Variants in NOMO1 observed in about 807,000 individuals in gnomAD.
The protein encoded by NOMO1 is NODAL modulator 1.
NOMO1 carries 40 observed loss-of-function variants against 133.8 expected under a neutral mutation model. The ratio of observed to expected loss-of-function variants is 0.30; its 90% CI spans 0.23 to 0.39. NOMO1 has a LOEUF of 0.39. Among genes scored for constraint, NOMO1 ranks in the 10% least tolerant of loss-of-function variants. The pLI is 1.00. For missense variants in NOMO1, 462 were observed against 1,419.9 expected (o/e 0.33, Z 10.84); for synonymous variants, 236 against 570.5 (o/e 0.41, Z 8.36).
intron 23 of NOMO1, 96 bp from the exon 24 acceptor site, chr16:14,879,919 C>T (rs943672795): frequency 6.2e-7 from 1 of 1,603,332 alleles, no homozygotes; most frequent in Non-Finnish European, 8.5e-7. Context: ...CCATGGCGCT[C>T]CCCTGGTGTA....
At chr16:14,878,424 G>A (rs1233832795) in intron 22 of NOMO1, among the ~76,000 whole-genome samples, 1 of 126,482 alleles carries the variant, frequency 7.9e-6, no homozygotes, top group African/African-American at 3.1e-5. Flanking sequence ...AGCTTGGGAG[G>A]CGAAGGTTGT....
intron 26 of NOMO1, among the ~76,000 whole-genome samples, chr16:14,882,957 T>G (rs549386754): frequency 6.6e-6 from 1 of 152,092 alleles, no homozygotes; most frequent in Non-Finnish European, 1.5e-5. Flanking sequence ...GTTAAGGAAC[T>G]TAAGGCCTAA....
At chr16:14,878,973 G>A (rs1386197455) in intron 23 of NOMO1, 139 bp downstream of exon 23, 17 of 909,770 alleles carry the variant, frequency 1.9e-5, no homozygotes, top group South Asian at 1.8e-4. Context: ...GGGGGCCCAC[G>A]GTCATTAGAG....
At chr16:14,838,535 C>G (rs1963556095) in intron 2 of NOMO1, 39 bp downstream of exon 2, 3 of 1,611,840 alleles carry the variant, frequency 1.9e-6, no homozygotes, top group Non-Finnish European at 2.5e-6. Context: ...TGGGAAATCA[C>G]TAGTGTGCCT....
chr16:14,859,176 A>T (rs1244399821), intron 11 of NOMO1, among the ~76,000 whole-genome samples: 1 of 151,986 alleles, frequency 6.6e-6, no homozygotes, highest in Non-Finnish European at 1.5e-5. Context: ...CACAGGAGCT[A>T]AGAAAGTAAG....
chr16:14,886,812 C>T lies in NOMO1; in HGVS notation c.3274C>T (p.Leu1092Phe). 1.2e-6 allele frequency: 2 copies of T among 1,611,708 alleles called. No individual in the cohort carries two copies. Among genetic ancestry groups the T allele is most frequent in the Middle Eastern group, 2.3e-4 (1 of 4,428 alleles). Residue 1092 changes from leucine (L) to phenylalanine (F), a missense_variant, in exon 28 of 31, where the codon CTT becomes TTT. Physicochemically the swap from Leu to Phe is conservative, Grantham distance 22 (BLOSUM62 0). Transcript: ENST00000287667. ...NLDNPIQTVS[L>F]GQSLFFHFPP... ...CGACAATCCAATCCAGACAGTTTCCCTTGGCCAGTCCCTGTTCTTCCATTT... is the reference window on the plus strand; with the variant it reads ...CGACAATCCAATCCAGACAGTTTCCTTTGGCCAGTCCCTGTTCTTCCATTT...
chr16:14,836,566 G>C (rs1567534568), intron 1 of NOMO1, among the ~76,000 whole-genome samples: 1 of 151,754 alleles, frequency 6.6e-6, no homozygotes. Flanking sequence ...CCTCAGAGTG[G>C]TTGAGCTGTG....
intron 15 of NOMO1, 102 bp downstream of exon 15, chr16:14,866,793 A>T: frequency 6.2e-7 from 1 of 1,606,880 alleles, no homozygotes; most frequent in Admixed American, 1.7e-5. Flanking sequence ...GGCAAGTTAG[A>T]TTTCCTTTTC....
intron 1 of NOMO1, among the ~76,000 whole-genome samples, chr16:14,836,729 C>T (rs1258751188): frequency 1.5e-5 from 2 of 137,920 alleles, no homozygotes; most frequent in African/African-American, 2.8e-5. Context: ...GACGGAGTCT[C>T]GCTCTGTCGC....
At chr16:14,846,427 A>C (rs1963682648) in intron 4 of NOMO1, 150 bp from the exon 5 acceptor site, 4 of 540,374 alleles carry the variant, frequency 7.4e-6, no homozygotes, top group South Asian at 4.2e-5. Context: ...ATCCCCAGGA[A>C]ACATATCCAT....
chr16:14,868,585 G>A lies in NOMO1; in HGVS notation c.1844G>A (p.Gly615Glu), dbSNP rs1597105416. 5 of 1,611,294 alleles carry A rather than the reference G, an allele frequency of 3.1e-6. No homozygotes were observed. In the East Asian group the frequency reaches 1.1e-4, roughly 36 times the overall value. The change falls in exon 16 of 31, where the codon GGG (glycine) becomes GAG (glutamate). Residue 615 changes from glycine (G) to glutamate (E), a missense_variant. By Grantham distance (98) the Gly-to-Glu change is moderately conservative (BLOSUM62 -2). Coordinates refer to ENST00000287667, the MANE Select transcript of NOMO1 (RefSeq NM_014287.4). The stretch of plus-strand genomic sequence containing the variant: ...GATGGAAATGGGCGTGAGAATGTGG[G>A]GATTTATAACCTCTCCAAAGGAGTC... ...YQDGNGRENV[G>E]IYNLSKGVNR...
chr16:14,857,733 T>G (rs1239426787), intron 11 of NOMO1, 78 bp downstream of exon 11: 2 of 1,599,308 alleles, frequency 1.3e-6, no homozygotes, highest in Non-Finnish European at 1.7e-6. Context: ...CTGTGATCTG[T>G]GTGTCTTTGC....
intron 23 of NOMO1, 48 bp downstream of exon 23, chr16:14,878,882 G>A (rs771667614): frequency 1.9e-6 from 3 of 1,601,092 alleles, no homozygotes; most frequent in South Asian, 2.2e-5. Context: ...CTGAGAGAGA[G>A]CCAGGATGCA....
At chr16:14,834,687 G>GTT (rs71254287) in intron 1 of NOMO1, among the ~76,000 whole-genome samples, 1 of 127,628 alleles carries the variant, frequency 7.8e-6, no homozygotes, top group East Asian at 2.7e-4. Flanking sequence ...TGTGCTGAAG[G>GTT]TTTTTTTTTT....
In NOMO1 at chr16:14,866,480, C is replaced by G. The variant is rs999436607; in HGVS notation, c.1670-75C>G. On this transcript the variant is annotated intron_variant, in intron 14 of 30. Coordinates refer to ENST00000287667, the MANE Select transcript of NOMO1 (RefSeq NM_014287.4). ...TTTTTAAAATTGATTAATTCATGATCATTGTTTCTGGTGGCGTGGAGGGAG... is the reference window on the plus strand; with the variant it reads ...TTTTTAAAATTGATTAATTCATGATGATTGTTTCTGGTGGCGTGGAGGGAG... 7 of 1,609,422 alleles carry G rather than the reference C, an allele frequency of 4.3e-6. No homozygotes were observed. In the African/African-American group the frequency reaches 5.4e-5, roughly 12 times the overall value.
At chr16:14,874,396 ACTTGGCATCG>A (rs1250847650) in intron 18 of NOMO1, among the ~76,000 whole-genome samples, 1 of 151,864 alleles carries the variant, frequency 6.6e-6, no homozygotes, top group Non-Finnish European at 1.5e-5. Context: ...AGGACTTTGC[ACTTGGCATCG>A]CTTTTCCCAA....
chr16:14,886,106 C>G (rs1179219265), intron 27 of NOMO1, among the ~76,000 whole-genome samples: 1 of 152,058 alleles, frequency 6.6e-6, no homozygotes, highest in Non-Finnish European at 1.5e-5. Flanking sequence ...CTGCTCATGC[C>G]CCATGCCGTG....
intron 26 of NOMO1, among the ~76,000 whole-genome samples, chr16:14,882,911 C>T (rs566804285): frequency 1.3e-5 from 2 of 152,182 alleles, no homozygotes; most frequent in South Asian, 2.1e-4. Context: ...ATCCTCCCCG[C>T]GACTTGCCCT....
intron 6 of NOMO1, among the ~76,000 whole-genome samples, chr16:14,850,479 C>G (rs1168412258): frequency 6.7e-6 from 1 of 149,572 alleles, no homozygotes; most frequent in East Asian, 2.0e-4. Flanking sequence ...AGTTTATAGT[C>G]AAAGATCAAA....
Sources: gnomAD v4.1 joint callset for allele counts (sites outside exome capture counted in the v4.1 genomes callset) on GRCh38, gnomAD v4.1.1 for gene constraint, MANE v1.5 for transcripts, NCBI Gene and HGNC (gene_info 2026-07-23, HGNC 2026-07-21) for gene names.